Variants in DCLRE1C observed in about 807,000 individuals in gnomAD.
The protein encoded by DCLRE1C is DNA cross-link repair 1C.
Under a neutral mutation model 61.4 loss-of-function variants are expected in DCLRE1C, and 47 were observed. The observed-to-expected ratio is 0.77, with a 90% CI of 0.61 to 0.98. The LOEUF is 0.98. DCLRE1C is among the 50% of genes least tolerant of loss of function. The pLI, the probability that DCLRE1C is intolerant of heterozygous loss-of-function variation, is 0.00. For missense variants in DCLRE1C, 858 were observed against 816.0 expected (o/e 1.05, Z -0.63); for synonymous variants, 337 against 287.6 (o/e 1.17, Z -1.74).
rs1226251983 is a variant in DCLRE1C, at chr10:14,944,662, AT to A, written c.246+442del. Among the ~76,000 whole-genome samples, 222 of 138,884 alleles carry A rather than the reference AT, an allele frequency of 1.6e-3. 1 individual carries two copies. The highest frequency in any genetic ancestry group is 2.4e-3 in the Non-Finnish European group (159 of 65,000). 91.1% of individuals were successfully genotyped at this position (138,884 alleles called of 152,430 possible). A position where few individuals can be genotyped will look rare whatever the true frequency, so the allele number is the denominator to read the frequency against. Reference sequence around the variant, plus strand: ...ATATTGTTCAATGCCAACAGACTTAATTTTTTTTTTCTTTTTTTTTTTTTTT... The same window carrying A: ...ATATTGTTCAATGCCAACAGACTTAATTTTTTTTTCTTTTTTTTTTTTTTT... On this transcript the variant is annotated intron_variant, in intron 3 of 13. Transcript: ENST00000378278.
chr10:14,914,443 A>AC (rs907289851), intron 13 of DCLRE1C, among the ~76,000 whole-genome samples: 19 of 152,314 alleles, frequency 1.2e-4, no homozygotes, highest in African/African-American at 3.6e-4. Context: ...AGATTGCAAC[A>AC]CCCCTCTCTG....
At chr10:14,928,891 T>G (rs1311297861) in intron 9 of DCLRE1C, among the ~76,000 whole-genome samples, 2 of 151,486 alleles carry the variant, frequency 1.3e-5, no homozygotes, top group Non-Finnish European at 2.9e-5. Flanking sequence ...CAAGCAAGTC[T>G]CATGTGTCAT....
In DCLRE1C at chr10:14,905,599, T is replaced by A. The variant is rs1396988741; in HGVS notation, c.*2809A>T. Among the ~76,000 whole-genome samples the A allele has an allele frequency of 6.6e-6, 1 of 152,230 alleles. No individual in the cohort carries two copies. The highest frequency in any genetic ancestry group is 1.5e-5 in the Non-Finnish European group (1 of 68,050). The stretch of plus-strand genomic sequence containing the variant: ...GCAGACTTTTTAAAAAACTAGTTTA[T>A]ACTATTCAAACATTTAAGTCCTGGA... On this transcript the variant is annotated 3_prime_UTR_variant, in exon 14 of 14. Coordinates refer to ENST00000378278, the MANE Select transcript of DCLRE1C (RefSeq NM_001033855.3).
chr10:14,899,274 G>A (rs1588856131), exon 14 of DCLRE1C: 3 of 701,984 alleles, frequency 4.3e-6, no homozygotes, highest in East Asian at 2.7e-5. Flanking sequence ...GAGTCATGAT[G>A]GCACCACCGC....
In DCLRE1C at chr10:14,934,487, G is replaced by A. The variant is rs752655158; in HGVS notation, c.571C>T (p.Arg191Ter). The change falls in exon 8 of 14, where the codon CGA becomes TGA. Residue 191 changes from arginine (R) to a stop codon, truncating the protein, a stop_gained. Transcript: ENST00000378278. LOFTEE classifies it high-confidence loss of function. ...ECLSGVLELV[R>*]SWITRSPYHV... Reference sequence around the variant, plus strand: ...TACGGGCTCCGAGTGATCCAGCTTCGGACCAGCTCTAAGACTCCACTTAAA... The same window carrying A: ...TACGGGCTCCGAGTGATCCAGCTTCAGACCAGCTCTAAGACTCCACTTAAA... 6.2e-6 allele frequency: 10 copies of A among 1,614,054 alleles called. No homozygotes were observed. Among genetic ancestry groups the A allele is most frequent in the South Asian group, 2.2e-5 (2 of 91,066 alleles).
intron 4 of DCLRE1C, among the ~76,000 whole-genome samples, chr10:14,937,241 C>G (rs146616327): frequency 6.7e-6 from 1 of 149,364 alleles, no homozygotes; most frequent in African/African-American, 2.5e-5. Flanking sequence ...GATGGATACA[C>G]AAGTGTGTGA....
At chr10:14,916,445 A>T (rs550228152) in intron 13 of DCLRE1C, among the ~76,000 whole-genome samples, 2 of 152,330 alleles carry the variant, frequency 1.3e-5, no homozygotes, top group South Asian at 2.1e-4. Flanking sequence ...CTAATCCAAA[A>T]GTCTGACATC....
intron 2 of DCLRE1C, chr10:14,945,542 G>C (rs932992847): frequency 6.6e-5 from 72 of 1,094,958 alleles, no homozygotes; most frequent in Non-Finnish European, 7.6e-5. Context: ...TTGGAAATAC[G>C]CGCTTGTATG....
At chr10:14,899,492 C>T in intron 13 of DCLRE1C, 1 of 1,597,720 alleles carries the variant, frequency 6.3e-7, no homozygotes, top group Non-Finnish European at 8.5e-7. Flanking sequence ...ATGAATGCTT[C>T]TTTGGTTCAG....
chr10:14,926,032 G>C (rs1301445473), intron 11 of DCLRE1C, among the ~76,000 whole-genome samples: 5 of 152,180 alleles, frequency 3.3e-5, no homozygotes, highest in African/African-American at 1.2e-4. Flanking sequence ...CTGCCGCCAT[G>C]TGAAGAAGGA....
In DCLRE1C at chr10:14,939,836, A is replaced by G; in HGVS notation, c.280T>C (p.Ser94Pro). ...SIEIETPTQISLVDEASGEKE... is the reference protein window; with the variant it reads ...SIEIETPTQIPLVDEASGEKE... ...TCTCCTGATGCTTCATCCACTAAAG[A>G]TATCTGGGTAGGAGTCTCGATTTCA... The change falls in exon 4 of 14, where the codon TCT becomes CCT. Residue 94 changes from serine (S) to proline (P), a missense_variant. Physicochemically the swap from Ser to Pro is moderately conservative, Grantham distance 74. This residue lies in a region of DCLRE1C where 843 missense variants were observed against 783.5 expected (regional missense o/e 1.08). Transcript: ENST00000378278. 6.3e-7 allele frequency: 1 copy of G among 1,597,500 alleles called. No homozygotes were observed. The highest frequency in any genetic ancestry group is 1.1e-5 in the South Asian group (1 of 90,038).
rs1839568104 is a variant in DCLRE1C at position 14,934,475 on chromosome 10, T to G, written c.583A>C (p.Thr195Pro). Residue 195 changes from threonine to proline, a missense_variant, in exon 8 of 14, where the codon ACT (threonine) becomes CCT (proline). Physicochemically the swap from Thr to Pro is conservative, Grantham distance 38. This residue lies in a region of DCLRE1C where 843 missense variants were observed against 783.5 expected (regional missense o/e 1.08). Coordinates refer to ENST00000378278, the MANE Select transcript of DCLRE1C (RefSeq NM_001033855.3). ...CACACAACATGGTACGGGCTCCGAG[T>G]GATCCAGCTTCGGACCAGCTCTAAG... ...GVLELVRSWI[T>P]RSPYHVVWLN... The G allele has an allele frequency of 6.2e-7, 1 of 1,613,924 alleles. No individual in the cohort carries two copies. Among genetic ancestry groups the G allele is most frequent in the Non-Finnish European group, 8.5e-7 (1 of 1,180,024 alleles).
chr10:14,935,065 G>C (rs533167435), intron 6 of DCLRE1C, among the ~76,000 whole-genome samples: 5 of 151,776 alleles, frequency 3.3e-5, no homozygotes, highest in African/African-American at 1.2e-4. Context: ...CTCAAGTGAT[G>C]CACCCACCTC....
chr10:14,908,179 TTTTTTTTTG>T lies in DCLRE1C; in HGVS notation c.*220_*228del, dbSNP rs1834625745. On this transcript the variant is annotated 3_prime_UTR_variant, in exon 14 of 14. Transcript: ENST00000378278. ...ACCATGCCTGGCTTTTTTTTTTTTT[TTTTTTTTTG>T]TAAGTAGAGACACATTTCACTGTGT... 2.1e-5 allele frequency: 6 copies of T among 283,062 alleles called. No individual in the cohort carries two copies. Among genetic ancestry groups the T allele is most frequent in the Admixed American group, 5.2e-5 (1 of 19,072 alleles). The allele number at this position is 283,062 out of a possible 1,614,324, so 17.5% of individuals were successfully genotyped here. A position where few individuals can be genotyped will look rare whatever the true frequency, so the allele number is the denominator to read the frequency against.
At chr10:14,940,632 T>C (rs1840716297) in intron 3 of DCLRE1C, among the ~76,000 whole-genome samples, 1 of 152,042 alleles carries the variant, frequency 6.6e-6, no homozygotes, top group Non-Finnish European at 1.5e-5. Context: ...CTGGTACATT[T>C]CCCCCTGCCA....
chr10:14,921,075 T>TGG (rs1837028027), intron 12 of DCLRE1C, among the ~76,000 whole-genome samples: 1 of 151,886 alleles, frequency 6.6e-6, no homozygotes, highest in African/African-American at 2.4e-5. Flanking sequence ...TCCCAGCACT[T>TGG]GGGGAGGCCT....
At chr10:14,912,117 T>C (rs1238957944) in intron 13 of DCLRE1C, among the ~76,000 whole-genome samples, 1 of 152,256 alleles carries the variant, frequency 6.6e-6, no homozygotes, top group Non-Finnish European at 1.5e-5. Flanking sequence ...GGCTGTTATC[T>C]AGAGATGGAC....
chr10:14,926,959 C>T (rs1244666464), intron 10 of DCLRE1C, 62 bp from the exon 11 acceptor site: 1 of 1,417,788 alleles, frequency 7.1e-7, no homozygotes, highest in Non-Finnish European at 9.9e-7. Flanking sequence ...CTAAGCAAAG[C>T]TGGCCCTTCT....
chr10:14,909,137 T>C lies in DCLRE1C; in HGVS notation c.1350A>G (p.Val450=), dbSNP rs1834820669. The C allele has an allele frequency of 1.2e-6, 2 of 1,614,120 alleles. No homozygotes were observed. The highest frequency in any genetic ancestry group is 8.5e-7 in the Non-Finnish European group (1 of 1,180,046). ...CMQSSRFTNF[V]DCEESNSESE... is the part of the protein sequence containing the mutation. ...TTTCACTGTTGGATTCTTCACAATC[T>C]ACAAAGTTTGTGAAACGAGAGCTCT... Residue 450 remains valine (V), a synonymous_variant, in exon 14 of 14, where the codon GTA becomes GTG. Transcript: ENST00000378278.
Sources: gnomAD v4.1 joint callset for allele counts (sites outside exome capture counted in the v4.1 genomes callset) on GRCh38, gnomAD v4.1.1 for gene constraint, gnomAD v4.1.1 regional missense constraint, MANE v1.5 for transcripts, NCBI Gene and HGNC (gene_info 2026-07-23, HGNC 2026-07-21) for gene names.